Variants in POLR2F observed in about 807,000 individuals in gnomAD.
POLR2F encodes the protein DNA-directed RNA polymerases I, II, and III subunit RPABC2.
A neutral mutation model predicts 22.7 loss-of-function variants in POLR2F; 12 were observed. The observed-to-expected ratio is 0.53, with a 90% CI of 0.34 to 0.86. The LOEUF (loss-of-function observed/expected upper bound fraction) is 0.86. Among genes scored for constraint, POLR2F ranks in the 40% least tolerant of loss-of-function variants. POLR2F has a pLI of 0.02. For missense variants in POLR2F, 126 were observed against 171.5 expected (o/e 0.73, Z 1.48); for synonymous variants, 57 against 66.0 (o/e 0.86, Z 0.66).
At chr22:37,982,698 ACT>A (rs914692938), upstream of POLR2F, among the ~76,000 whole-genome samples, 7 of 151,674 alleles carry the variant, frequency 4.6e-5, no homozygotes, top group African/African-American at 1.7e-4. Flanking sequence ...CAGCTTGGTG[ACT>A]CTGGGGCAGG....
At chr22:37,987,510 C>G (rs1932618844) in intron 1 of POLR2F, 1 of 354,936 alleles carries the variant, frequency 2.8e-6, no homozygotes, top group African/African-American at 2.1e-5. Context: ...GGTCCCTCAC[C>G]TGTCACGTGG....
chr22:38,020,159 G>C (rs1400853947), intron 1 of POLR2F, among the ~76,000 whole-genome samples: 2 of 150,170 alleles, frequency 1.3e-5, no homozygotes, highest in African/African-American at 4.9e-5. Context: ...GATCAGCCTG[G>C]GCAACACAGC....
At chr22:38,029,682 C>G (rs1189932133), downstream of POLR2F, among the ~76,000 whole-genome samples, 2 of 152,142 alleles carry the variant, frequency 1.3e-5, no homozygotes, top group African/African-American at 2.4e-5. Context: ...GAAGCAGTGA[C>G]CAGTCTGTCC....
intron 5 of POLR2F, among the ~76,000 whole-genome samples, chr22:38,038,360 T>C (rs1448004127): frequency 6.6e-6 from 1 of 152,056 alleles, no homozygotes; most frequent in Non-Finnish European, 1.5e-5. Context: ...AGCAAGCAGC[T>C]TGGGGGAAAG....
At chr22:37,989,920 A>C (rs1348715899) in intron 1 of POLR2F, among the ~76,000 whole-genome samples, 2 of 152,042 alleles carry the variant, frequency 1.3e-5, no homozygotes, top group Non-Finnish European at 2.9e-5. Context: ...CTGCAGCCCC[A>C]CTGAGAGGTC....
At chr22:37,973,959 A>G, downstream of POLR2F, 1 of 1,611,686 alleles carries the variant, frequency 6.2e-7, no homozygotes, top group Non-Finnish European at 8.5e-7. Context: ...GCTGCTGAGT[A>G]GCTGCTCACA....
intron 4 of POLR2F, among the ~76,000 whole-genome samples, chr22:37,979,531 T>C (rs2145771214): frequency 6.6e-6 from 1 of 152,050 alleles, no homozygotes; most frequent in East Asian, 1.9e-4. Context: ...GGCTCCTCTT[T>C]ACCATGGGTC....
chr22:38,025,763 C>T, intron 1 of POLR2F: 2 of 1,542,320 alleles, frequency 1.3e-6, no homozygotes, highest in Non-Finnish European at 1.7e-6. Context: ...GAGCTGAACA[C>T]AGGATCCAGG....
chr22:37,998,508 C>A lies in POLR2F; in HGVS notation c.120+12196C>A, dbSNP rs1001908668. Among the ~76,000 whole-genome samples, 9 of 152,128 alleles carry A rather than the reference C, an allele frequency of 5.9e-5. 1 individual carries two copies. The highest frequency in any genetic ancestry group is 2.2e-4 in the African/African-American group (9 of 41,436). On this transcript the variant is annotated intron_variant, in intron 1 of 2. Coordinates refer to the POLR2F transcript ENST00000333418. ...AGGTGAGGAGTTGCTGTCAGGCTCCCTGGGCAGGTTGGGGTGGTCCTGCTG... is the reference window on the plus strand; with the variant it reads ...AGGTGAGGAGTTGCTGTCAGGCTCCATGGGCAGGTTGGGGTGGTCCTGCTG...
upstream of POLR2F, among the ~76,000 whole-genome samples, chr22:37,983,011 T>C (rs539338646): frequency 1.3e-5 from 2 of 152,350 alleles, no homozygotes; most frequent in East Asian, 1.9e-4. The surrounding 1 kb of genome is among the most constrained non-coding windows in gnomAD (Gnocchi z 9.5). Flanking sequence ...CCACAGCAGC[T>C]GGTGGCATAG....
chr22:37,956,625 C>T (rs1048956126), intron 1 of POLR2F, 148 bp from the exon 2 acceptor site: 4 of 649,140 alleles, frequency 6.2e-6, no homozygotes, highest in South Asian at 1.9e-5. Context: ...CCTTGTTGGC[C>T]AGGCTGGTCT....
chr22:37,983,287 G>C (rs1381866628), upstream of POLR2F: 2 of 1,523,890 alleles, frequency 1.3e-6, no homozygotes, highest in South Asian at 1.2e-5. The surrounding 1 kb of genome is among the most constrained non-coding windows in gnomAD (Gnocchi z 9.5). Flanking sequence ...CAGGAGGCCG[G>C]GCCGCCTCGG....
chr22:37,978,121 C>T lies in POLR2F; in HGVS notation c.293+10951C>T, dbSNP rs1331853919. 6.4e-7 allele frequency: 1 copy of T among 1,573,922 alleles called. No individual in the cohort carries two copies. The highest frequency in any genetic ancestry group is 1.3e-5 in the African/African-American group (1 of 74,312). On this transcript the variant is annotated intron_variant, in intron 4 of 4. Coordinates refer to the POLR2F transcript ENST00000405557. This position sits in a 1 kb window ranked among gnomAD's most constrained non-coding sequence, Gnocchi z 5.0. ...CTCCTCGATGAAGGGGCGCTTGTCA[C>T]TTTCGTTCAGCAGCCTGGGGTGTGG... is the stretch of plus-strand genomic sequence containing the variant.
intron 1 of POLR2F, among the ~76,000 whole-genome samples, chr22:38,025,043 C>T (rs966781248): frequency 6.6e-6 from 1 of 152,130 alleles, no homozygotes; most frequent in Admixed American, 6.5e-5. Context: ...CAGGTTTCTC[C>T]TTTCTTGGCG....
intron 5 of POLR2F, among the ~76,000 whole-genome samples, chr22:38,038,885 G>A (rs1236915920): frequency 1.3e-5 from 2 of 151,862 alleles, no homozygotes; most frequent in Non-Finnish European, 2.9e-5. Flanking sequence ...GCCATCTTGC[G>A]AGCGGCCCTC....
chr22:37,993,946 G>C (rs372520763), intron 1 of POLR2F, among the ~76,000 whole-genome samples: 27 of 152,184 alleles, frequency 1.8e-4, no homozygotes, highest in African/African-American at 6.3e-4. Context: ...CCGAGATCGC[G>C]CCACTGCACT....
intron 1 of POLR2F, among the ~76,000 whole-genome samples, chr22:38,014,045 C>T (rs543279067): frequency 2.0e-5 from 3 of 150,350 alleles, no homozygotes; most frequent in East Asian, 2.0e-4. Flanking sequence ...TGGCTTGAAC[C>T]TGGGAGGTGG....
At chr22:38,026,468 C>T (rs1296622735) in exon 3 of POLR2F, 3 of 381,452 alleles carry the variant, frequency 7.9e-6, no homozygotes, top group African/African-American at 6.3e-5. Flanking sequence ...GATCCCAGGG[C>T]CCTCCCCAGC....
At chr22:37,987,276 C>T (rs866187001) in intron 1 of POLR2F, 2 of 456,720 alleles carry the variant, frequency 4.4e-6, no homozygotes, top group Middle Eastern at 3.3e-4. Flanking sequence ...CTCAGCCTGG[C>T]TTTTGTTAAG....
Sources: allele counts gnomAD v4.1 joint callset (sites outside exome capture counted in the v4.1 genomes callset), GRCh38; gene constraint gnomAD v4.1.1; non-coding constraint Gnocchi (gnomAD v3.1); transcripts MANE v1.5; gene names NCBI Gene and HGNC (gene_info 2026-07-23, HGNC 2026-07-21).